The following MAOA variants were observed in gnomAD, a reference collection of about 807,000 sequenced individuals.
The protein encoded by MAOA is monoamine oxidase A, also known as amine oxidase [flavin-containing] A.
Under a neutral mutation model 42.0 loss-of-function variants are expected in MAOA, and 6 were observed. The observed-to-expected ratio is 0.14, with a 90% confidence interval of 0.08 to 0.28. The LOEUF (loss-of-function observed/expected upper bound fraction) is 0.28. Ranked by LOEUF, MAOA falls within the 10% of genes least tolerant of loss-of-function variation. The probability of loss-of-function intolerance (pLI) is 1.00; values close to 1 mark genes in which losing one functional copy is unlikely to be tolerated. For missense variants in MAOA, 262 were observed against 422.3 expected (o/e 0.62, Z 3.33); for synonymous variants, 140 against 154.0 (o/e 0.91, Z 0.67).
chrX:43,658,590 A>T lies in MAOA; in HGVS notation c.73+2176A>T, dbSNP rs189614342. On this transcript the variant is annotated intron_variant, in intron 1 of 14. Coordinates refer to ENST00000338702, the MANE Select transcript of MAOA (RefSeq NM_000240.4). ...CATAGTCACTCTTAATTATTAATTT[A>T]TTTCCATTTGGGGGAAGTAGAGGGC... is the stretch of plus-strand genomic sequence containing the variant. Among the ~76,000 whole-genome samples the T allele has an allele frequency of 1.7e-3, 186 of 111,665 alleles. 2 individuals carry two copies. Among genetic ancestry groups the T allele is most frequent in the African/African-American group, 6.0e-3 (183 of 30,717 alleles).
At chrX:43,681,584 C>T (rs1432988172) in intron 1 of MAOA, among the ~76,000 whole-genome samples, 2 of 110,560 alleles carry the variant, frequency 1.8e-5, no homozygotes, top group African/African-American at 6.6e-5. Flanking sequence ...CTATCAAATC[C>T]GTGTATTTTA....
chrX:43,710,247 A>G (rs2033689692), intron 3 of MAOA, among the ~76,000 whole-genome samples: 1 of 112,819 alleles, frequency 8.9e-6, no homozygotes, highest in Non-Finnish European at 1.9e-5. Context: ...GATGGTGGTG[A>G]TGATGATAAA....
intron 5 of MAOA, among the ~76,000 whole-genome samples, chrX:43,717,940 G>A (rs1036282391): frequency 9.1e-6 from 1 of 110,349 alleles, no homozygotes; most frequent in African/African-American, 3.3e-5. Flanking sequence ...TATAATATAA[G>A]GGGTATAGTA....
chrX:43,744,307 TG>T, intron 14 of MAOA, 59 bp from the exon 15 acceptor site: 1 of 1,179,114 alleles, frequency 8.5e-7, no homozygotes, highest in South Asian at 1.8e-5. Flanking sequence ...GATCTTGCAG[TG>T]TTTTGTTCCT....
chrX:43,740,941 T>A (rs190817480), intron 11 of MAOA, among the ~76,000 whole-genome samples: 1 of 111,499 alleles, frequency 9.0e-6, no homozygotes, highest in East Asian at 2.8e-4. Flanking sequence ...AGCAACTTCT[T>A]TGGGCTGTTT....
intron 1 of MAOA, among the ~76,000 whole-genome samples, chrX:43,670,341 T>A (rs1038886270): frequency 8.0e-5 from 9 of 112,000 alleles, no homozygotes; most frequent in Non-Finnish European, 1.7e-4. Flanking sequence ...GATTTTTGTT[T>A]TGTTTTGTTT....
chrX:43,734,600 G>A (rs943936974), intron 9 of MAOA, among the ~76,000 whole-genome samples: 28 of 112,179 alleles, frequency 2.5e-4, no homozygotes, highest in African/African-American at 8.7e-4. Context: ...CTTGAAGATA[G>A]GGGTGGTAAT....
intron 1 of MAOA, among the ~76,000 whole-genome samples, chrX:43,682,697 C>G (rs149758932): frequency 9.0e-6 from 1 of 111,221 alleles, no homozygotes; most frequent in Non-Finnish European, 1.9e-5. Flanking sequence ...CTATGCATAG[C>G]CTTTTACAGT....
intron 10 of MAOA, among the ~76,000 whole-genome samples, chrX:43,736,558 GA>G (rs751411019): frequency 1.8e-5 from 2 of 111,699 alleles, no homozygotes; most frequent in South Asian, 7.5e-4. Flanking sequence ...TATTAGCTGT[GA>G]AAAATGCTGT....
intron 1 of MAOA, among the ~76,000 whole-genome samples, chrX:43,665,235 A>AT (rs1428187234): frequency 9.0e-6 from 1 of 111,558 alleles, no homozygotes; most frequent in Non-Finnish European, 1.9e-5. Flanking sequence ...TCAGGTATAC[A>AT]TTTTTTTAAA....
chrX:43,692,423 C>T (rs1213795089), intron 2 of MAOA, among the ~76,000 whole-genome samples: 1 of 111,017 alleles, frequency 9.0e-6, no homozygotes, highest in Admixed American at 9.6e-5. Flanking sequence ...GAGTCCCAGG[C>T]TGTGGGCAGA....
chrX:43,738,872 A>G (rs1025655844), intron 10 of MAOA, among the ~76,000 whole-genome samples: 1 of 111,729 alleles, frequency 9.0e-6, no homozygotes, highest in African/African-American at 3.3e-5. Flanking sequence ...TTTTTAGAAT[A>G]ATCATTGCCG....
intron 1 of MAOA, among the ~76,000 whole-genome samples, chrX:43,668,526 ATCT>A (rs774968910): frequency 8.9e-6 from 1 of 112,337 alleles, no homozygotes; most frequent in South Asian, 3.6e-4. Context: ...ATGCATTTAA[ATCT>A]TCTGAGTTTA....
At chrX:43,714,914 G>C (rs903636760) in intron 5 of MAOA, among the ~76,000 whole-genome samples, 1 of 109,663 alleles carries the variant, frequency 9.1e-6, no homozygotes, top group Non-Finnish European at 1.9e-5. Flanking sequence ...ACCCAAACCA[G>C]AAGGGTGGAT....
upstream of MAOA, chrX:43,655,686 C>T (rs2033172563): frequency 8.8e-6 from 1 of 114,154 alleles, no homozygotes; most frequent in Non-Finnish European, 1.8e-5. Context: ...GGTAAAAGGA[C>T]CGACCCTGCC....
At chrX:43,725,045 G>A (rs1291454341) in intron 5 of MAOA, among the ~76,000 whole-genome samples, 6 of 111,700 alleles carry the variant, frequency 5.4e-5, no homozygotes, top group African/African-American at 1.3e-4. Context: ...CAGACAGTTC[G>A]TTGTGATTTC....
intron 9 of MAOA, among the ~76,000 whole-genome samples, chrX:43,734,028 A>G (rs1403348522): frequency 1.8e-5 from 2 of 110,770 alleles, no homozygotes; most frequent in African/African-American, 6.6e-5. Flanking sequence ...AGGTTTCAGG[A>G]GAATGTCGGT....
chrX:43,719,114 AG>A (rs1208293083), intron 5 of MAOA, among the ~76,000 whole-genome samples: 2 of 111,032 alleles, frequency 1.8e-5, no homozygotes, highest in East Asian at 5.8e-4. Flanking sequence ...GGGGGAGACA[AG>A]GCAAGGTGGA....
chrX:43,712,146 A>G (rs766285702), intron 4 of MAOA, among the ~76,000 whole-genome samples, 170 bp downstream of exon 4: 11 of 111,859 alleles, frequency 9.8e-5, no homozygotes, highest in Non-Finnish European at 1.9e-4. Context: ...TGGAAAAATG[A>G]GTGCCCAGAG....
Sources: allele counts gnomAD v4.1 joint callset (sites outside exome capture counted in the v4.1 genomes callset), GRCh38; gene constraint gnomAD v4.1.1; transcripts MANE v1.5; gene names NCBI Gene and HGNC (gene_info 2026-07-23, HGNC 2026-07-21).